MYO1D: variants seen among roughly 807,000 people sequenced by gnomAD.
The protein encoded by MYO1D is unconventional myosin-Id.
Under a neutral mutation model 122.0 loss-of-function variants are expected in MYO1D, and 83 were observed. The ratio of observed to expected loss-of-function variants is 0.68; its 90% CI spans 0.57 to 0.82. MYO1D has a LOEUF of 0.82. Ranked by LOEUF, MYO1D falls within the 40% of genes least tolerant of loss-of-function variation. The pLI, the probability that MYO1D is intolerant of heterozygous loss-of-function variation, is 0.00. For missense variants in MYO1D, 1,157 were observed against 1,269.5 expected (o/e 0.91, Z 1.35); for synonymous variants, 464 against 446.9 (o/e 1.04, Z -0.48).
At chr17:32,651,558 A>AT (rs897605869) in intron 19 of MYO1D, among the ~76,000 whole-genome samples, 1 of 149,266 alleles carries the variant, frequency 6.7e-6, no homozygotes, top group African/African-American at 2.5e-5. Context: ...TCATCACCTC[A>AT]TTTTTTTCTT....
chr17:32,766,430 A>G lies in MYO1D; in HGVS notation c.831+1206T>C, dbSNP rs551404304. On this transcript the variant is annotated intron_variant, in intron 7 of 21. Coordinates refer to ENST00000318217, the MANE Select transcript of MYO1D (RefSeq NM_015194.3). The stretch of plus-strand genomic sequence containing the variant: ...TCCCTCTCCTCCCTTACCCTACCCT[A>G]TACGACACTTCTTTAATATACTTTA... Among the ~76,000 whole-genome samples the G allele has an allele frequency of 2.6e-5, 4 of 152,254 alleles. No homozygotes were observed. The East Asian group carries it at 7.7e-4, about 29-fold the overall frequency.
intron 21 of MYO1D, among the ~76,000 whole-genome samples, chr17:32,502,357 G>A (rs1036743577): frequency 2.0e-5 from 3 of 152,148 alleles, no homozygotes; most frequent in African/African-American, 7.2e-5. Context: ...GCCAGAAGAG[G>A]CAAAGCCACG....
intron 20 of MYO1D, among the ~76,000 whole-genome samples, chr17:32,634,631 T>A (rs554252949): frequency 1.3e-5 from 2 of 152,338 alleles, no homozygotes; most frequent in African/African-American, 2.4e-5. Context: ...CTGAAAGCAC[T>A]CATGAAGACT....
intron 14 of MYO1D, among the ~76,000 whole-genome samples, chr17:32,722,983 A>G (rs143388120): frequency 2.6e-5 from 4 of 152,260 alleles, no homozygotes; most frequent in African/African-American, 9.6e-5. Context: ...ATTAAGCTTA[A>G]TCATGTGACC....
intron 20 of MYO1D, among the ~76,000 whole-genome samples, chr17:32,610,347 AG>A (rs1169874402): frequency 6.6e-6 from 1 of 152,196 alleles, no homozygotes; most frequent in Non-Finnish European, 1.5e-5. Flanking sequence ...GTGGTGTGTC[AG>A]TCTCAGAAGA....
chr17:32,715,907 T>G (rs180935364), intron 15 of MYO1D, among the ~76,000 whole-genome samples: 72 of 152,292 alleles, frequency 4.7e-4, no homozygotes, highest in African/African-American at 1.7e-3. Context: ...TTCTATTGAC[T>G]CTACCTCCAA....
Position 32,760,313 on chromosome 17 carries a change from G to A in MYO1D, c.1273C>T (p.Arg425Trp), listed in dbSNP as rs141613419. ...ACATGTTTCCAGGGGATCCCTTCCC[G>A]CTGGTATTCCTCTTGTTCTTGCTTC... ...VLKQEQEEYQREGIPWKHIDY... is the reference protein window; with the variant it reads ...VLKQEQEEYQWEGIPWKHIDY... Residue 425 changes from arginine (R) to tryptophan (W), a missense_variant, in exon 10 of 22, where the codon CGG (arginine) becomes TGG (tryptophan). Arg to Trp is a moderately radical substitution (Grantham distance 101). Coordinates refer to ENST00000318217, the MANE Select transcript of MYO1D (RefSeq NM_015194.3). 2.2e-5 allele frequency: 36 copies of A among 1,610,914 alleles called. No individual in the cohort carries two copies. In the East Asian group the frequency reaches 5.6e-4, roughly 25 times the overall value.
intron 7 of MYO1D, 97 bp downstream of exon 7, chr17:32,767,539 A>T: frequency 1.4e-6 from 1 of 740,412 alleles, no homozygotes; most frequent in Non-Finnish European, 2.2e-6. Flanking sequence ...ATTTTCTCTG[A>T]ATACTTTTTA....
At chr17:32,780,931 T>A in intron 1 of MYO1D, 147 bp from the exon 2 acceptor site, 1 of 810,650 alleles carries the variant, frequency 1.2e-6, no homozygotes, top group Non-Finnish European at 1.9e-6. Flanking sequence ...AGTTAACTTG[T>A]AGAGAATGTT....
chr17:32,784,814 G>A (rs955970285), intron 1 of MYO1D, among the ~76,000 whole-genome samples: 7 of 152,240 alleles, frequency 4.6e-5, no homozygotes, highest in Middle Eastern at 3.4e-3. Context: ...CACAGAAAAG[G>A]AAGATACTGT....
At chr17:32,781,980 G>A (rs9897274) in intron 1 of MYO1D, among the ~76,000 whole-genome samples, 6,000 of 152,198 alleles carry the variant, frequency 0.039, 380 homozygotes, top group African/African-American at 0.13. Flanking sequence ...TCTCTCTCAC[G>A]TCCAAGAACT....
chr17:32,651,931 C>T (rs964848316), intron 19 of MYO1D, among the ~76,000 whole-genome samples: 1 of 152,278 alleles, frequency 6.6e-6, no homozygotes, highest in African/African-American at 2.4e-5. Flanking sequence ...CCGCCTCGGC[C>T]TTCCAAAGTG....
At chr17:32,769,857 T>G (rs924337712) in intron 6 of MYO1D, among the ~76,000 whole-genome samples, 7 of 152,012 alleles carry the variant, frequency 4.6e-5, no homozygotes, top group African/African-American at 1.4e-4. Context: ...TAAGCTAAAT[T>G]TAACCTAGAA....
chr17:32,562,894 A>T (rs2087138551), intron 21 of MYO1D, among the ~76,000 whole-genome samples: 1 of 152,224 alleles, frequency 6.6e-6, no homozygotes, highest in Non-Finnish European at 1.5e-5. Flanking sequence ...TTAACATTTT[A>T]TGGTATTTCC....
rs543688869 is a variant in MYO1D, at chr17:32,765,559, C to T, written c.832-478G>A. 2.0e-3 allele frequency among the ~76,000 whole-genome samples: 309 copies of T among 152,074 alleles called. 3 individuals are homozygous for T. Among genetic ancestry groups the T allele is most frequent in the African/African-American group, 7.3e-3 (301 of 41,490 alleles). ...CTGCAAGCTCTGCCTCCTGGGTTCA[C>T]GCCATTCTCCTGCCTCAGCCTCCTG... On this transcript the variant is annotated intron_variant, in intron 7 of 21. Coordinates refer to ENST00000318217, the MANE Select transcript of MYO1D (RefSeq NM_015194.3).
At chr17:32,787,114 G>C (rs144145060) in intron 1 of MYO1D, among the ~76,000 whole-genome samples, 8 of 151,664 alleles carry the variant, frequency 5.3e-5, no homozygotes, top group Admixed American at 4.6e-4. Flanking sequence ...TAAAAAGCTA[G>C]AAGAGCTCAA....
At chr17:32,509,247 C>T (rs1909602734) in intron 21 of MYO1D, among the ~76,000 whole-genome samples, 1 of 152,230 alleles carries the variant, frequency 6.6e-6, no homozygotes. Flanking sequence ...GCACTAGGGA[C>T]ACTCACTGTT....
intron 20 of MYO1D, among the ~76,000 whole-genome samples, chr17:32,605,643 A>C (rs1178522466): frequency 1.3e-5 from 2 of 152,238 alleles, no homozygotes; most frequent in Non-Finnish European, 1.5e-5. Flanking sequence ...CTCTAGCCCA[A>C]AACAAAAAAA....
At chr17:32,524,342 C>T (rs144307953) in intron 21 of MYO1D, among the ~76,000 whole-genome samples, 312 of 152,272 alleles carry the variant, frequency 2.0e-3, no homozygotes, top group African/African-American at 6.7e-3. Context: ...ACACTCTCTG[C>T]GCTAACAAGC....
Sources: allele counts gnomAD v4.1 joint callset (sites outside exome capture counted in the v4.1 genomes callset), GRCh38; gene constraint gnomAD v4.1.1; transcripts MANE v1.5; gene names NCBI Gene and HGNC (gene_info 2026-07-23, HGNC 2026-07-21).